TEX2: variants seen among roughly 807,000 people sequenced by gnomAD.
TEX2 encodes testis-expressed protein 2.
A neutral mutation model predicts 106.9 loss-of-function variants in TEX2; 53 were observed. The observed-to-expected ratio is 0.50, with a 90% CI of 0.40 to 0.62. The LOEUF is 0.62. TEX2 is among the 20% of genes least tolerant of loss of function. TEX2 has a pLI of 0.00. For synonymous variants in TEX2, 523 were observed against 534.8 expected (o/e 0.98, Z 0.30); for missense variants, 1,207 against 1,379.0 (o/e 0.88, Z 1.98).
At position 64,223,357 on chromosome 17, in the gene TEX2, C is replaced by CTTT. The variant is rs71158308; in HGVS notation, c.-25-9118_-25-9116dup. ...ATAATATTAACCTCACTGAATCTGG[C>CTTT]TTTTTTTTTTTTTTTTTCACTTTTT... is the stretch of plus-strand genomic sequence containing the variant. On this transcript the variant is annotated intron_variant, in intron 1 of 11. Transcript: ENST00000584379. Among the ~76,000 whole-genome samples the CTTT allele has an allele frequency of 5.0e-3, 562 of 113,044 alleles. 11 individuals carry two copies. The highest frequency in any genetic ancestry group is 0.018 in the East Asian group (62 of 3,476). The allele number at this position is 113,044 out of a possible 152,430, so 74.2% of individuals were successfully genotyped here.
Position 64,171,156 on chromosome 17 carries a change from A to T in TEX2, c.2615T>A (p.Met872Lys). 1 of 1,614,140 alleles carries T rather than the reference A, an allele frequency of 6.2e-7. No homozygotes were observed. The highest frequency in any genetic ancestry group is 2.2e-5 in the East Asian group (1 of 44,856). ...GAGGATTTTTGGCACAGCCACGCCCATGTCAAGTTCCGTCAGAGTGAGCTC... is the reference window on the plus strand; with the variant it reads ...GAGGATTTTTGGCACAGCCACGCCCTTGTCAAGTTCCGTCAGAGTGAGCTC... ...MNELTLTELDMGVAVPKILQA... is the reference protein window; with the variant it reads ...MNELTLTELDKGVAVPKILQA... Residue 872 changes from methionine to lysine, a missense_variant, in exon 7 of 12, where the codon ATG becomes AAG. Met to Lys is a moderately conservative substitution (Grantham distance 95). Transcript: ENST00000584379.
At chr17:64,259,089 G>A (rs1221905623) in intron 1 of TEX2, among the ~76,000 whole-genome samples, 5 of 152,290 alleles carry the variant, frequency 3.3e-5, no homozygotes, top group South Asian at 2.1e-4. Context: ...GTGAAGTGAC[G>A]CGCAGCTGGT....
chr17:64,174,525 A>G (rs2031544543), intron 6 of TEX2, among the ~76,000 whole-genome samples: 1 of 152,202 alleles, frequency 6.6e-6, no homozygotes, highest in Non-Finnish European at 1.5e-5. Context: ...GCCCTTGAGC[A>G]GCCTTCTTCT....
intron 2 of TEX2, among the ~76,000 whole-genome samples, chr17:64,207,970 G>A (rs1191936563): frequency 3.3e-5 from 5 of 151,950 alleles, no homozygotes; most frequent in African/African-American, 1.2e-4. Flanking sequence ...TCCTGACCTC[G>A]TGATCCACCC....
intron 1 of TEX2, among the ~76,000 whole-genome samples, chr17:64,253,385 G>C (rs1440209770): frequency 6.7e-6 from 1 of 148,202 alleles, no homozygotes; most frequent in Non-Finnish European, 1.5e-5. Context: ...GGCTGGTGTC[G>C]AACTCCTGGG....
chr17:64,202,871 G>A (rs1555630253), intron 2 of TEX2, among the ~76,000 whole-genome samples: 1 of 152,130 alleles, frequency 6.6e-6, no homozygotes, highest in Non-Finnish European at 1.5e-5. Context: ...ACCCCGCTGG[G>A]GACAATGACC....
intron 1 of TEX2, among the ~76,000 whole-genome samples, chr17:64,232,015 T>G (rs1028975757): frequency 1.4e-4 from 22 of 152,350 alleles, no homozygotes; most frequent in African/African-American, 5.3e-4. Context: ...TCACCAGCAC[T>G]GGACTGTCCT....
intron 6 of TEX2, among the ~76,000 whole-genome samples, chr17:64,175,795 A>C (rs575548392): frequency 1.2e-4 from 18 of 152,326 alleles, no homozygotes; most frequent in African/African-American, 4.3e-4. Flanking sequence ...CCTGGAGTTC[A>C]AGTATGTCCT....
Position 64,177,430 on chromosome 17 carries a change from G to A in TEX2, c.2466C>T (p.Ala822=), listed in dbSNP as rs763800347. The A allele has an allele frequency of 8.1e-6, 13 of 1,614,032 alleles. No homozygotes were observed. In the African/African-American group the frequency reaches 1.3e-4, roughly 17 times the overall value. ...TTCTTCCAAGCAAGGCATTCACCCA[G>A]GCTTCCTGTTCTTCCTCCTCAGAGG... is the stretch of plus-strand genomic sequence containing the variant. ...VPPSEEEEQE[A]WVNALLGRIF... Residue 822 remains alanine (A), a synonymous_variant, in exon 6 of 12, where the codon GCC becomes GCT. Coordinates refer to ENST00000584379, the MANE Select transcript of TEX2 (RefSeq NM_001288732.2).
chr17:64,183,633 G>T (rs777041864), intron 5 of TEX2, among the ~76,000 whole-genome samples: 4 of 152,128 alleles, frequency 2.6e-5, no homozygotes, highest in Admixed American at 6.5e-5. Context: ...TTGCCATGTT[G>T]CCCAGGCTGG....
chr17:64,252,214 T>TG (rs2034106283), intron 1 of TEX2, among the ~76,000 whole-genome samples: 1 of 152,212 alleles, frequency 6.6e-6, no homozygotes, highest in South Asian at 2.1e-4. Flanking sequence ...TTTTGTAGGA[T>TG]GCTCCAAACC....
chr17:64,202,207 A>G (rs1555630178), intron 2 of TEX2, among the ~76,000 whole-genome samples: 1 of 152,202 alleles, frequency 6.6e-6, no homozygotes. Context: ...TTGTGACTGG[A>G]GCCCATGTTT....
In TEX2 at chr17:64,196,903, G is replaced by C. The variant is rs75312600; in HGVS notation, c.1645-1808C>G. Among the ~76,000 whole-genome samples, 795 of 150,642 alleles carry C rather than the reference G, an allele frequency of 5.3e-3. 11 individuals are homozygous for C. Among genetic ancestry groups the C allele is most frequent in the African/African-American group, 0.018 (735 of 41,172 alleles). On this transcript the variant is annotated intron_variant, in intron 2 of 11. Coordinates refer to ENST00000584379, the MANE Select transcript of TEX2 (RefSeq NM_001288732.2). ...ACATCTCTTCCTAACTCCATGTTCA[G>C]TGACTTCACGTTGGTAGCTTTCAAC... is the stretch of plus-strand genomic sequence containing the variant.
chr17:64,243,413 A>C (rs1555635956), intron 1 of TEX2, among the ~76,000 whole-genome samples: 2 of 152,218 alleles, frequency 1.3e-5, no homozygotes, highest in South Asian at 4.1e-4. Context: ...GTTATTAGAC[A>C]AAAATGTCTT....
intron 1 of TEX2, among the ~76,000 whole-genome samples, chr17:64,241,573 C>T (rs905414708): frequency 6.6e-6 from 1 of 152,160 alleles, no homozygotes; most frequent in Non-Finnish European, 1.5e-5. Context: ...CTCAGAAAGA[C>T]CTTCCTGACT....
chr17:64,177,450 C>T lies in TEX2; in HGVS notation c.2446G>A (p.Glu816Lys), dbSNP rs1312093445. The change falls in exon 6 of 12, where the codon GAG becomes AAG. Residue 816 changes from glutamate to lysine, a missense_variant. Glu to Lys is a moderately conservative substitution (Grantham distance 56). Coordinates refer to ENST00000584379, the MANE Select transcript of TEX2 (RefSeq NM_001288732.2). ...GKKLPEVPPS[E>K]EEEQEAWVNA... ...ACCCAGGCTTCCTGTTCTTCCTCCTCAGAGGGTGGAACCTCTGGCAACTGG... is the reference window on the plus strand; with the variant it reads ...ACCCAGGCTTCCTGTTCTTCCTCCTTAGAGGGTGGAACCTCTGGCAACTGG... 2 of 1,613,902 alleles carry T rather than the reference C, an allele frequency of 1.2e-6. No individual in the cohort carries two copies. Among genetic ancestry groups the T allele is most frequent in the East Asian group, 4.5e-5 (2 of 44,892 alleles).
At chr17:64,201,848 A>T (rs1315665134) in intron 2 of TEX2, among the ~76,000 whole-genome samples, 1 of 152,228 alleles carries the variant, frequency 6.6e-6, no homozygotes, top group Non-Finnish European at 1.5e-5. Context: ...CCACAACTGT[A>T]ACAAATGTTT....
At chr17:64,160,720 C>G in intron 8 of TEX2, 81 bp downstream of exon 8, 1 of 1,551,754 alleles carries the variant, frequency 6.4e-7, no homozygotes, top group East Asian at 2.3e-5. Flanking sequence ...GGCCACTACA[C>G]ATCAAATCTG....
intron 7 of TEX2, 33 bp from the exon 8 acceptor site, chr17:64,160,966 T>C (rs2030856172): frequency 6.3e-7 from 1 of 1,598,736 alleles, no homozygotes; most frequent in Admixed American, 1.8e-5. Context: ...GAAGGTTTTT[T>C]TCCCTCAAAA....
Sources: gnomAD v4.1 joint callset for allele counts (sites outside exome capture counted in the v4.1 genomes callset) on GRCh38, gnomAD v4.1.1 for gene constraint, MANE v1.5 for transcripts, NCBI Gene and HGNC (gene_info 2026-07-23, HGNC 2026-07-21) for gene names.